Variants in CREB5 observed in about 807,000 individuals in gnomAD.
The protein encoded by CREB5 is cAMP responsive element binding protein 5.
A neutral mutation model predicts 57.1 loss-of-function variants in CREB5; 19 were observed. The observed-to-expected ratio is 0.33, with a 90% CI of 0.23 to 0.49. The LOEUF is 0.49. CREB5 is among the 20% of genes least tolerant of loss of function. The probability of loss-of-function intolerance (pLI) is 0.99; values close to 1 mark genes in which losing one functional copy is unlikely to be tolerated. For synonymous variants in CREB5, 238 were observed against 238.3 expected (o/e 1.00, Z 0.01); for missense variants, 579 against 671.6 (o/e 0.86, Z 1.52).
chr7:28,673,288 C>T (rs560338188), intron 5 of CREB5, among the ~76,000 whole-genome samples: 46 of 152,286 alleles, frequency 3.0e-4, no homozygotes, highest in African/African-American at 1.1e-3. Flanking sequence ...AAAGGACCTC[C>T]CCATTTTAAA....
rs1200104189 is a variant in CREB5 at position 28,823,265 on chromosome 7, ATG to A, written c.*3992_*3993del. 6.6e-6 allele frequency: 1 copy of A among 152,658 alleles called. No individual in the cohort carries two copies. The highest frequency in any genetic ancestry group is 1.5e-5 in the Non-Finnish European group (1 of 68,034). 9.5% of individuals were successfully genotyped at this position (152,658 alleles called of 1,614,324 possible). On this transcript the variant is annotated 3_prime_UTR_variant, in exon 11 of 11. Coordinates refer to ENST00000357727, the MANE Select transcript of CREB5 (RefSeq NM_182898.4). Reference sequence around the variant, plus strand: ...CATCTAAGAAAATATATATGTATGTATGTGTGTATACAGTGGAATTCAAAGGA... The same window carrying A: ...CATCTAAGAAAATATATATGTATGTATGTGTATACAGTGGAATTCAAAGGA...
chr7:28,435,009 T>C (rs1330765195), intron 1 of CREB5, among the ~76,000 whole-genome samples: 1 of 152,060 alleles, frequency 6.6e-6, no homozygotes, highest in Non-Finnish European at 1.5e-5. Context: ...ATACGCACCT[T>C]AAGAGTAGGG....
intron 1 of CREB5, among the ~76,000 whole-genome samples, chr7:28,444,126 G>A (rs145629530): frequency 0.014 from 2,189 of 152,248 alleles, 44 homozygotes; most frequent in Admixed American, 0.05. Flanking sequence ...AATCAGCACC[G>A]TTTTATGCTT....
intron 5 of CREB5, among the ~76,000 whole-genome samples, chr7:28,666,443 T>C (rs1392053843): frequency 6.6e-6 from 1 of 152,186 alleles, no homozygotes; most frequent in Admixed American, 6.5e-5. Flanking sequence ...CTGACTTGAG[T>C]CAGTCCCAAA....
At chr7:28,390,739 G>A (rs6952227) in intron 1 of CREB5, among the ~76,000 whole-genome samples, 17,320 of 152,002 alleles carry the variant, frequency 0.11, 1,260 homozygotes, top group East Asian at 0.25. Context: ...TTCTCCTGAT[G>A]GCTACAATTT....
upstream of CREB5, chr7:28,410,603 G>A (rs1353272681): frequency 4.4e-6 from 2 of 453,324 alleles, no homozygotes; most frequent in Admixed American, 4.7e-5. Context: ...CCCTGGACCG[G>A]TGCCGCCCCC....
intron 1 of CREB5, among the ~76,000 whole-genome samples, chr7:28,389,784 G>T (rs574912267): frequency 6.6e-5 from 10 of 152,158 alleles, no homozygotes; most frequent in Non-Finnish European, 1.2e-4. Context: ...CCCTCTGCTG[G>T]CTTATTTAAT....
At chr7:28,455,321 C>A (rs1790044750) in intron 1 of CREB5, among the ~76,000 whole-genome samples, 2 of 152,138 alleles carry the variant, frequency 1.3e-5, no homozygotes, top group Admixed American at 1.3e-4. Context: ...ACAAACAGAG[C>A]AGTTCATGAT....
At chr7:28,542,327 T>C (rs1794239632) in intron 4 of CREB5, among the ~76,000 whole-genome samples, 2 of 152,224 alleles carry the variant, frequency 1.3e-5, no homozygotes. Flanking sequence ...TATTTTTAGA[T>C]ACCTTAAGTC....
chr7:28,605,952 C>T (rs76553823), intron 5 of CREB5, among the ~76,000 whole-genome samples: 2,148 of 152,294 alleles, frequency 0.014, 39 homozygotes, highest in East Asian at 0.092. Flanking sequence ...CTGGTGGTTT[C>T]ATGGGCGTAT....
intron 1 of CREB5, among the ~76,000 whole-genome samples, chr7:28,476,338 A>G: frequency 6.6e-6 from 1 of 152,244 alleles, no homozygotes. Context: ...CACCAAATGT[A>G]TACATAACTC....
At chr7:28,374,685 C>T (rs1364208677) in intron 1 of CREB5, among the ~76,000 whole-genome samples, 1 of 152,090 alleles carries the variant, frequency 6.6e-6, no homozygotes, top group Non-Finnish European at 1.5e-5. Flanking sequence ...TTGCCTGGAG[C>T]TGGGGGTGTG....
chr7:28,387,837 AT>A (rs1440722120), intron 1 of CREB5, among the ~76,000 whole-genome samples: 2 of 152,180 alleles, frequency 1.3e-5, no homozygotes, highest in East Asian at 1.9e-4. Context: ...AAAGAAAAAA[AT>A]ATGTGGTGTT....
At chr7:28,783,668 G>A (rs1291078635) in intron 7 of CREB5, among the ~76,000 whole-genome samples, 1 of 152,148 alleles carries the variant, frequency 6.6e-6, no homozygotes, top group Non-Finnish European at 1.5e-5. Flanking sequence ...CAGCTGCACT[G>A]AATTGACAGG....
chr7:28,713,679 A>C (rs953057758), intron 5 of CREB5, among the ~76,000 whole-genome samples: 1 of 152,198 alleles, frequency 6.6e-6, no homozygotes, highest in African/African-American at 2.4e-5. Flanking sequence ...AGTTGGATTA[A>C]GAACATCTTG....
intron 5 of CREB5, among the ~76,000 whole-genome samples, chr7:28,593,553 T>C (rs1197588709): frequency 2.0e-5 from 3 of 152,236 alleles, no homozygotes; most frequent in South Asian, 2.1e-4. Context: ...CTGGCCTGAA[T>C]TGAATTTTAT....
chr7:28,730,646 A>G (rs1444669267), intron 7 of CREB5, among the ~76,000 whole-genome samples: 1 of 152,176 alleles, frequency 6.6e-6, no homozygotes, highest in Non-Finnish European at 1.5e-5. Context: ...AGGGATTGTT[A>G]TCCTGTGAGT....
At chr7:28,682,694 G>A (rs1461415161) in intron 5 of CREB5, among the ~76,000 whole-genome samples, 2 of 119,794 alleles carry the variant, frequency 1.7e-5, no homozygotes, top group East Asian at 2.0e-4. Flanking sequence ...GGGGGGGGGG[G>A]AAACCCCAGC....
At chr7:28,406,018 G>C (rs992722547) in intron 1 of CREB5, among the ~76,000 whole-genome samples, 2 of 152,132 alleles carry the variant, frequency 1.3e-5, no homozygotes, top group African/African-American at 4.8e-5. Context: ...ACTCCACTAA[G>C]TTTGAGAAGT....
Sources: gnomAD v4.1 joint callset for allele counts (sites outside exome capture counted in the v4.1 genomes callset) on GRCh38, gnomAD v4.1.1 for gene constraint, MANE v1.5 for transcripts, NCBI Gene and HGNC (gene_info 2026-07-23, HGNC 2026-07-21) for gene names.